The following DSC1 variants were observed in gnomAD, a reference collection of about 807,000 sequenced individuals.
The protein encoded by DSC1 is desmocollin-1.
DSC1 carries 79 observed loss-of-function variants against 98.8 expected under a neutral mutation model. The ratio of observed to expected loss-of-function variants is 0.80; its 90% CI spans 0.67 to 0.96. DSC1 has a LOEUF of 0.96. Ranked by LOEUF, DSC1 falls within the 50% of genes least tolerant of loss-of-function variation. The pLI is 0.00. For synonymous variants in DSC1, 405 were observed against 372.1 expected (o/e 1.09, Z -1.02); for missense variants, 1,115 against 1,075.9 (o/e 1.04, Z -0.51).
At chr18:31,141,289 C>A (rs1988730168) in intron 9 of DSC1, among the ~76,000 whole-genome samples, 1 of 152,026 alleles carries the variant, frequency 6.6e-6, no homozygotes, top group Admixed American at 6.6e-5. Context: ...GTAGACAGTA[C>A]AATAATTAAA....
intron 6 of DSC1, 107 bp from the exon 7 acceptor site, chr18:31,145,884 G>T: frequency 8.4e-7 from 1 of 1,183,926 alleles, no homozygotes; most frequent in Non-Finnish European, 1.2e-6. Context: ...CAAACCACAA[G>T]TAGATTAGTT....
intron 2 of DSC1, 21 bp from the exon 3 acceptor site, chr18:31,157,594 A>T (rs762742106): frequency 3.1e-6 from 5 of 1,613,440 alleles, no homozygotes; most frequent in East Asian, 4.5e-5. Flanking sequence ...GAAATATCAC[A>T]GCAGTTTGTC....
Position 31,154,923 on chromosome 18 carries a change from A to G in DSC1, c.478T>C (p.Ser160Pro), listed in dbSNP as rs764961566. The change falls in exon 5 of 16, where the codon TCT (serine) becomes CCT (proline). Residue 160 changes from serine (S) to proline (P), a missense_variant. By Grantham distance (74) the Ser-to-Pro change is moderately conservative. Coordinates refer to ENST00000257198, the MANE Select transcript of DSC1 (RefSeq NM_024421.2). The part of the protein sequence containing the change: ...PFPQHVQQIQ[S>P]DAAQNYTIFY... The stretch of plus-strand genomic sequence containing the variant: ...ATGGTGTAATTCTGTGCAGCATCAG[A>G]TTGGATCTGCAGTAATAATTTAGGA... 1.2e-6 allele frequency: 2 copies of G among 1,613,308 alleles called. No homozygotes were observed. Among genetic ancestry groups the G allele is most frequent in the Non-Finnish European group, 8.5e-7 (1 of 1,179,808 alleles).
At position 31,130,911 on chromosome 18, in the gene DSC1, T is replaced by A. The variant is rs1467867274; in HGVS notation, c.2488-200A>T. 3 of 1,394,606 alleles carry A rather than the reference T, an allele frequency of 2.2e-6. No individual in the cohort carries two copies. The African/African-American group carries it at 4.4e-5, about 20-fold the overall frequency. 86.4% of individuals were successfully genotyped at this position (1,394,606 alleles called of 1,614,324 possible). On this transcript the variant is annotated intron_variant, in intron 15 of 15. Coordinates refer to ENST00000257198, the MANE Select transcript of DSC1 (RefSeq NM_024421.2). The stretch of plus-strand genomic sequence containing the variant: ...AAAATATAGCAAATAAATAAATGCT[T>A]CTAGTGAGCACATTTAAAAAATTAA...
chr18:31,160,896 A>C (rs1442689642), intron 1 of DSC1, among the ~76,000 whole-genome samples: 1 of 152,114 alleles, frequency 6.6e-6, no homozygotes, highest in African/African-American at 2.4e-5. Context: ...GTGTATATAT[A>C]TACACACAGT....
chr18:31,159,491 A>G lies in DSC1; in HGVS notation c.102T>C (p.Tyr34=). Residue 34 remains tyrosine, a synonymous_variant, in exon 2 of 16, where the codon TAT becomes TAC. Coordinates refer to ENST00000257198, the MANE Select transcript of DSC1 (RefSeq NM_024421.2). ...CCTGAAGATGAGAAGGAACTCGAAG[A>G]TAAACTTTCTGACAAGCATCGCAAA... ...TLLCDACQKV[Y]LRVPSHLQAE... The G allele has an allele frequency of 1.9e-6, 3 of 1,613,470 alleles. No homozygotes were observed. Among genetic ancestry groups the G allele is most frequent in the South Asian group, 2.2e-5 (2 of 91,016 alleles).
chr18:31,148,412 A>T (rs762556556), intron 6 of DSC1, 86 bp downstream of exon 6: 4 of 1,403,446 alleles, frequency 2.9e-6, no homozygotes, highest in Non-Finnish European at 2.8e-6. Flanking sequence ...ATAAAATGCA[A>T]TGATAAAACG....
chr18:31,162,606 C>T lies in DSC1; in HGVS notation c.-12G>A. ...GAGGCCAGAGCCATCAGAAGCAGTCCCAATGGCCAGGGACGGTGGCCAGAT... is the reference window on the plus strand; with the variant it reads ...GAGGCCAGAGCCATCAGAAGCAGTCTCAATGGCCAGGGACGGTGGCCAGAT... On this transcript the variant is annotated 5_prime_UTR_variant, in exon 1 of 16. Coordinates refer to ENST00000257198, the MANE Select transcript of DSC1 (RefSeq NM_024421.2). 1.9e-6 allele frequency: 3 copies of T among 1,613,994 alleles called. No homozygotes were observed. The highest frequency in any genetic ancestry group is 2.5e-6 in the Non-Finnish European group (3 of 1,179,946).
chr18:31,149,320 CA>C (rs1345389666), intron 5 of DSC1, among the ~76,000 whole-genome samples: 1 of 152,122 alleles, frequency 6.6e-6, no homozygotes, highest in Non-Finnish European at 1.5e-5. Context: ...TAAACCTACC[CA>C]AAGTGAATTC....
Position 31,139,743 on chromosome 18 carries a change from C to T in DSC1, c.1663+5G>A. ...TATATTTTATCTGTAGAAAATGGCA[C>T]TCACCTGCATCCACTGCAACAACTG... On this transcript the variant is annotated splice_donor_5th_base_variant and intron_variant, in intron 11 of 15. Coordinates refer to ENST00000257198, the MANE Select transcript of DSC1 (RefSeq NM_024421.2). The T allele has an allele frequency of 1.3e-6, 2 of 1,574,298 alleles. No individual in the cohort carries two copies. The highest frequency in any genetic ancestry group is 1.7e-6 in the Non-Finnish European group (2 of 1,163,162).
At chr18:31,161,966 T>C (rs1000711346) in intron 1 of DSC1, among the ~76,000 whole-genome samples, 2 of 152,142 alleles carry the variant, frequency 1.3e-5, no homozygotes, top group Non-Finnish European at 2.9e-5. Flanking sequence ...AATAGCACCT[T>C]ACACAGTTAC....
In DSC1 at chr18:31,154,842, T is replaced by C. The variant is rs746145872; in HGVS notation, c.559A>G (p.Ile187Val). Residue 187 changes from isoleucine to valine, a missense_variant, in exon 5 of 16, where the codon ATA becomes GTA. Transcript: ENST00000257198. The part of the protein sequence containing the change: ...VDKEPFNLFY[I>V]EKDTGDIFCT... ...AAGATATCCCCAGTGTCTTTCTCTA[T>C]GTAAAACAAATTGAAGGGTTCTTTG... The C allele has an allele frequency of 3.5e-5, 56 of 1,613,986 alleles. No homozygotes were observed. In the Admixed American group the frequency reaches 8.8e-4, roughly 25 times the overall value.
intron 14 of DSC1, chr18:31,132,254 A>G (rs568571625): frequency 2.8e-6 from 1 of 352,286 alleles, no homozygotes; most frequent in Non-Finnish European, 5.2e-6. Context: ...GCTAGGAGAG[A>G]GTCCTGGAAC....
intron 10 of DSC1, 53 bp from the exon 11 acceptor site, chr18:31,139,943 T>G: frequency 6.4e-7 from 1 of 1,565,054 alleles, no homozygotes; most frequent in Non-Finnish European, 8.6e-7. Context: ...GGACATGATC[T>G]TAAAATCTGT....
intron 13 of DSC1, among the ~76,000 whole-genome samples, chr18:31,132,958 T>TA: frequency 6.6e-6 from 1 of 152,308 alleles, no homozygotes; most frequent in Non-Finnish European, 1.5e-5. Context: ...ATCTAACTGA[T>TA]ATTTAAGATA....
intron 15 of DSC1, among the ~76,000 whole-genome samples, chr18:31,131,243 C>T (rs16961322): frequency 0.026 from 3,991 of 152,228 alleles, 161 homozygotes; most frequent in African/African-American, 0.093. Flanking sequence ...AACTCAAGCA[C>T]ACTGAGAAAT....
chr18:31,133,973 T>G lies in DSC1; in HGVS notation c.2034A>C (p.Lys678Asn). The G allele has an allele frequency of 6.2e-7, 1 of 1,613,444 alleles. No homozygotes were observed. Among genetic ancestry groups the G allele is most frequent in the Non-Finnish European group, 8.5e-7 (1 of 1,179,642 alleles). Residue 678 changes from lysine (K) to asparagine (N), a missense_variant, in exon 13 of 16, where the codon AAA (lysine) becomes AAC (asparagine). Lys to Asn is a moderately conservative substitution (Grantham distance 94). Coordinates refer to ENST00000257198, the MANE Select transcript of DSC1 (RefSeq NM_024421.2). ...STPSECRMKD[K>N]STRDVRPNVI... ...CATTTGGTCTAACGTCTCTTGTACT[T>G]TTATCCTTCATTCTACACTCAGATG...
Position 31,143,674 on chromosome 18 carries a change from A to G in DSC1, c.1057T>C (p.Ser353Pro). ...ATACTCACAGAAGTTTCTGTGAAAG[A>G]TGGTGGATTGTCATTTTCATCCTCA... ...SLEDENDNPP[S>P]FTETSYVTEV... The change falls in exon 8 of 16, where the codon TCT (serine) becomes CCT (proline). Residue 353 changes from serine to proline, a missense_variant. Transcript: ENST00000257198. 6.3e-7 allele frequency: 1 copy of G among 1,584,162 alleles called. No homozygotes were observed. Among genetic ancestry groups the G allele is most frequent in the Non-Finnish European group, 8.6e-7 (1 of 1,165,196 alleles).
chr18:31,157,963 A>G (rs1051164357), intron 2 of DSC1, among the ~76,000 whole-genome samples: 1 of 152,118 alleles, frequency 6.6e-6, no homozygotes, highest in Non-Finnish European at 1.5e-5. Context: ...GTAGTTTGAT[A>G]CTTAAAACTA....
Sources: gnomAD v4.1 joint callset for allele counts (sites outside exome capture counted in the v4.1 genomes callset) on GRCh38, gnomAD v4.1.1 for gene constraint, MANE v1.5 for transcripts, NCBI Gene and HGNC (gene_info 2026-07-23, HGNC 2026-07-21) for gene names.